XYLT1: variants seen among roughly 807,000 people sequenced by gnomAD.
The protein encoded by XYLT1 is xylosyltransferase 1.
A neutral mutation model predicts 91.3 loss-of-function variants in XYLT1; 36 were observed. The ratio of observed to expected loss-of-function variants is 0.39; its 90% CI spans 0.30 to 0.52. The LOEUF (loss-of-function observed/expected upper bound fraction) is 0.52. Among genes scored for constraint, XYLT1 ranks in the 20% least tolerant of loss-of-function variants. XYLT1 has a pLI of 0.68. For synonymous variants in XYLT1, 588 were observed against 532.0 expected, an observed-to-expected ratio of 1.11 and a Z score of -1.45; for missense variants, 1,242 against 1,284.5, an observed-to-expected ratio of 0.97 and a Z score of 0.51.
At chr16:17,211,870 A>G (rs956710582) in intron 3 of XYLT1, among the ~76,000 whole-genome samples, 1 of 152,216 alleles carries the variant, frequency 6.6e-6, no homozygotes, top group Non-Finnish European at 1.5e-5. Context: ...GAGGCCAGAT[A>G]ATTCCTTGTT....
In XYLT1 at chr16:17,141,139, TC is replaced by T; in HGVS notation, c.1587+13del. The T allele has an allele frequency of 6.2e-7, 1 of 1,609,670 alleles. No individual in the cohort carries two copies. Among genetic ancestry groups the T allele is most frequent in the South Asian group, 1.1e-5 (1 of 90,908 alleles). On this transcript the variant is annotated intron_variant, in intron 7 of 11. Coordinates refer to ENST00000261381, the MANE Select transcript of XYLT1 (RefSeq NM_022166.4). ...GCCCCTATCTTTCTTGGGAAAATTT[TC>T]CCAGATACTCACCTCAGCAGGAAGC...
chr16:17,241,269 A>C (rs1289769446), intron 3 of XYLT1, among the ~76,000 whole-genome samples: 1 of 152,208 alleles, frequency 6.6e-6, no homozygotes, highest in Non-Finnish European at 1.5e-5. Flanking sequence ...AAACAAGGGG[A>C]GAGAGGGAGG....
At chr16:17,298,317 G>A (rs1187613006) in intron 2 of XYLT1, among the ~76,000 whole-genome samples, 1 of 152,148 alleles carries the variant, frequency 6.6e-6, no homozygotes, top group East Asian at 1.9e-4. Flanking sequence ...CATAACTAAC[G>A]TTCCCTGCAC....
intron 2 of XYLT1, among the ~76,000 whole-genome samples, chr16:17,354,514 A>G (rs546274092): frequency 5.0e-4 from 76 of 152,338 alleles, no homozygotes; most frequent in African/African-American, 1.8e-3. Context: ...AATGCAGGCC[A>G]GGTCTTGGAC....
chr16:17,182,348 C>T (rs962608836), intron 5 of XYLT1, among the ~76,000 whole-genome samples: 1 of 152,170 alleles, frequency 6.6e-6, no homozygotes, highest in Non-Finnish European at 1.5e-5. Flanking sequence ...AGAAGGCCAC[C>T]TTCTTGCTCT....
chr16:17,356,018 C>T (rs1192397895), intron 2 of XYLT1, among the ~76,000 whole-genome samples: 3 of 151,850 alleles, frequency 2.0e-5, no homozygotes. Context: ...AGGCCCAGGA[C>T]CAGATAATTC....
intron 2 of XYLT1, among the ~76,000 whole-genome samples, chr16:17,337,783 T>TC (rs1363604796): frequency 2.4e-4 from 34 of 143,748 alleles, no homozygotes; most frequent in African/African-American, 8.4e-4. Context: ...TTCTTTTTCT[T>TC]TTTTTTTTTT....
intron 1 of XYLT1, among the ~76,000 whole-genome samples, chr16:17,419,370 C>G (rs1203781450): frequency 6.6e-6 from 1 of 151,522 alleles, no homozygotes; most frequent in African/African-American, 2.4e-5. Flanking sequence ...AGATAGACTG[C>G]TCTTATGTCA....
chr16:17,212,212 A>G (rs1179206786), intron 3 of XYLT1, among the ~76,000 whole-genome samples: 1 of 152,218 alleles, frequency 6.6e-6, no homozygotes, highest in African/African-American at 2.4e-5. Context: ...TGTTGTAAGA[A>G]GCTCTCCAGG....
intron 2 of XYLT1, among the ~76,000 whole-genome samples, chr16:17,297,410 G>T (rs1425681225): frequency 6.6e-6 from 1 of 152,016 alleles, no homozygotes; most frequent in African/African-American, 2.4e-5. Context: ...CACCGACGGT[G>T]TCTCTAGGAA....
At chr16:17,318,946 C>T (rs559827660) in intron 2 of XYLT1, among the ~76,000 whole-genome samples, 26 of 152,172 alleles carry the variant, frequency 1.7e-4, no homozygotes, top group African/African-American at 6.3e-4. Context: ...TGCCACCATG[C>T]CGGGGTAATT....
chr16:17,381,969 T>TC (rs1357766755), intron 1 of XYLT1, among the ~76,000 whole-genome samples: 1 of 151,828 alleles, frequency 6.6e-6, no homozygotes, highest in Non-Finnish European at 1.5e-5. Context: ...GTTGGTATTT[T>TC]CCCCATTGAA....
chr16:17,217,503 T>C (rs1264018252), intron 3 of XYLT1, among the ~76,000 whole-genome samples: 2 of 152,236 alleles, frequency 1.3e-5, no homozygotes, highest in Non-Finnish European at 2.9e-5. Flanking sequence ...TGCATTCTGT[T>C]TTCAGTAATG....
At chr16:17,119,274 C>A (rs977887454) in intron 10 of XYLT1, among the ~76,000 whole-genome samples, 1 of 152,092 alleles carries the variant, frequency 6.6e-6, no homozygotes, top group African/African-American at 2.4e-5. Context: ...TGACAAGGAC[C>A]TTTGTTGCTA....
At chr16:17,192,478 A>C (rs2032335697) in intron 5 of XYLT1, among the ~76,000 whole-genome samples, 1 of 152,226 alleles carries the variant, frequency 6.6e-6, no homozygotes, top group African/African-American at 2.4e-5. Context: ...CAGCCAATCT[A>C]AAGTAGGCCA....
chr16:17,400,954 C>G (rs1448498302), intron 1 of XYLT1, among the ~76,000 whole-genome samples: 1 of 149,306 alleles, frequency 6.7e-6, no homozygotes, highest in Non-Finnish European at 1.5e-5. Flanking sequence ...AGCTCTCTCT[C>G]CTCTGTCTCT....
intron 5 of XYLT1, among the ~76,000 whole-genome samples, chr16:17,197,474 A>T (rs2032452582): frequency 6.6e-6 from 1 of 152,182 alleles, no homozygotes; most frequent in African/African-American, 2.4e-5. Flanking sequence ...TTGAGTGTCA[A>T]CTTGATTGGA....
In XYLT1 at chr16:17,239,117, T is replaced by G. The variant is rs574674569; in HGVS notation, c.913+19871A>C. ...AATCCAACTTTTCCTCTTTCTTAAT[T>G]GAACCTATTGTCATTTCTTGCCTAG... On this transcript the variant is annotated intron_variant, in intron 3 of 11. Coordinates refer to ENST00000261381, the MANE Select transcript of XYLT1 (RefSeq NM_022166.4). 1.5e-4 allele frequency among the ~76,000 whole-genome samples: 23 copies of G among 152,340 alleles called. No individual in the cohort carries two copies. The South Asian group carries it at 4.8e-3, about 32-fold the overall frequency.
At chr16:17,211,105 G>T (rs74010740) in intron 3 of XYLT1, among the ~76,000 whole-genome samples, 3 of 152,168 alleles carry the variant, frequency 2.0e-5, no homozygotes, top group African/African-American at 4.8e-5. Context: ...AAATAAAGGC[G>T]AGTCTATTGC....
Sources: gnomAD v4.1 joint callset for allele counts (sites outside exome capture counted in the v4.1 genomes callset) on GRCh38, gnomAD v4.1.1 for gene constraint, MANE v1.5 for transcripts, NCBI Gene and HGNC (gene_info 2026-07-23, HGNC 2026-07-21) for gene names.